The following DNAJC15 variants were observed in gnomAD, a reference collection of about 807,000 sequenced individuals.
The protein encoded by DNAJC15 is dnaJ homolog subfamily C member 15.
In DNAJC15, 27 loss-of-function variants were observed where a neutral mutation model predicts 22.4. That is an observed-to-expected ratio of 1.20 (90% CI 0.89 to 1.66). The LOEUF is 1.66. DNAJC15 is among the 40% of genes most tolerant of loss of function. The probability of loss-of-function intolerance (pLI) is 0.00; values close to 1 mark genes in which losing one functional copy is unlikely to be tolerated. For missense variants in DNAJC15, 208 were observed against 187.1 expected, an observed-to-expected ratio of 1.11 and a Z score of -0.65; for synonymous variants, 79 against 63.2, an observed-to-expected ratio of 1.25 and a Z score of -1.19.
chr13:43,023,793 C>G, intron 1 of DNAJC15, 59 bp downstream of exon 1: 1 of 1,451,720 alleles, frequency 6.9e-7, no homozygotes, highest in African/African-American at 1.4e-5. Flanking sequence ...CTGCTTCAGC[C>G]CCCTCTACCG....
At chr13:43,088,667 C>G (rs1216830701) in intron 5 of DNAJC15, among the ~76,000 whole-genome samples, 1 of 152,138 alleles carries the variant, frequency 6.6e-6, no homozygotes, top group East Asian at 1.9e-4. Flanking sequence ...TGGATTTTCT[C>G]TAATTATTCT....
At position 43,071,499 on chromosome 13, in the gene DNAJC15, G is replaced by A. The variant is rs2040609038; in HGVS notation, c.234+2496G>A. ...TAATCATAATTATATTTTTACCTCA[G>A]GAAAGATGCAAGTACTTTTAAACAA... On this transcript the variant is annotated intron_variant, in intron 3 of 5. Coordinates refer to ENST00000379221, the MANE Select transcript of DNAJC15 (RefSeq NM_013238.3). Among the ~76,000 whole-genome samples, 4 of 152,074 alleles carry A rather than the reference G, an allele frequency of 2.6e-5. No individual in the cohort carries two copies. The South Asian group carries it at 8.3e-4, about 32-fold the overall frequency.
intron 1 of DNAJC15, among the ~76,000 whole-genome samples, chr13:43,034,094 A>T (rs1415871491): frequency 1.3e-5 from 2 of 151,710 alleles, no homozygotes; most frequent in African/African-American, 4.8e-5. Flanking sequence ...ACATACTATA[A>T]ACATGTTTGT....
rs530191885 is a variant in DNAJC15, at chr13:43,057,780, C to T, written c.109-7906C>T. Among the ~76,000 whole-genome samples the T allele has an allele frequency of 9.2e-5, 14 of 152,246 alleles. No homozygotes were observed. The South Asian group carries it at 1.2e-3, about 14-fold the overall frequency. ...AAGGCTGCTGTTCAGATCCTTTTGT[C>T]CCATGGGGTGATCCTTTGATGTGGT... is the stretch of plus-strand genomic sequence containing the variant. On this transcript the variant is annotated intron_variant, in intron 1 of 5. Coordinates refer to ENST00000379221, the MANE Select transcript of DNAJC15 (RefSeq NM_013238.3).
chr13:43,025,561 A>C (rs975849293), intron 1 of DNAJC15, among the ~76,000 whole-genome samples: 1 of 152,208 alleles, frequency 6.6e-6, no homozygotes, highest in Admixed American at 6.5e-5. Context: ...TTTAATAATC[A>C]ATATAATGCT....
At chr13:43,046,430 C>T (rs940321519) in intron 1 of DNAJC15, among the ~76,000 whole-genome samples, 12 of 151,688 alleles carry the variant, frequency 7.9e-5, no homozygotes, top group African/African-American at 1.2e-4. Flanking sequence ...CTTCCTAGGC[C>T]GACTAAGAAT....
At chr13:43,101,205 T>TC (rs1455056028) in intron 5 of DNAJC15, among the ~76,000 whole-genome samples, 6 of 152,220 alleles carry the variant, frequency 3.9e-5, no homozygotes, top group Non-Finnish European at 7.3e-5. Flanking sequence ...TTCTTCAATT[T>TC]TTAATAGAAA....
At chr13:43,059,926 GAT>G (rs2040550490) in intron 1 of DNAJC15, among the ~76,000 whole-genome samples, 1 of 152,162 alleles carries the variant, frequency 6.6e-6, no homozygotes, top group Non-Finnish European at 1.5e-5. Flanking sequence ...GGGTGGGAGA[GAT>G]TACAAAGTAC....
At chr13:43,105,552 C>T (rs74062314) in intron 5 of DNAJC15, among the ~76,000 whole-genome samples, 2,538 of 152,170 alleles carry the variant, frequency 0.017, 78 homozygotes, top group East Asian at 0.1. Context: ...AATAAATTGT[C>T]ATGTCATTTT....
At chr13:43,027,927 G>A (rs915065070) in intron 1 of DNAJC15, among the ~76,000 whole-genome samples, 1 of 152,162 alleles carries the variant, frequency 6.6e-6, no homozygotes, top group Non-Finnish European at 1.5e-5. Flanking sequence ...GAAGTGCTGG[G>A]ATTTCAGGGG....
intron 5 of DNAJC15, among the ~76,000 whole-genome samples, chr13:43,086,447 T>A (rs551643447): frequency 1.3e-5 from 2 of 152,078 alleles, no homozygotes; most frequent in Non-Finnish European, 2.9e-5. Flanking sequence ...AGTTACACTG[T>A]ATTTCAGAAG....
intron 1 of DNAJC15, among the ~76,000 whole-genome samples, chr13:43,053,144 T>G (rs2040513371): frequency 6.6e-6 from 1 of 152,222 alleles, no homozygotes; most frequent in Admixed American, 6.5e-5. Flanking sequence ...CTCAGCACCA[T>G]TTGTTGAATA....
chr13:43,098,413 A>G (rs1343765238), intron 5 of DNAJC15, among the ~76,000 whole-genome samples: 1 of 152,340 alleles, frequency 6.6e-6, no homozygotes, highest in East Asian at 1.9e-4. Context: ...TAGGGATGTC[A>G]TAGAAGGAAT....
chr13:43,093,962 G>A (rs2040727540), intron 5 of DNAJC15, among the ~76,000 whole-genome samples: 1 of 152,080 alleles, frequency 6.6e-6, no homozygotes, highest in Admixed American at 6.6e-5. Flanking sequence ...ATGTTGTTTT[G>A]TTTAAATGTA....
At chr13:43,091,199 C>T (rs968451915) in intron 5 of DNAJC15, among the ~76,000 whole-genome samples, 1 of 152,156 alleles carries the variant, frequency 6.6e-6, no homozygotes, top group Non-Finnish European at 1.5e-5. Flanking sequence ...ATTCTCCTGC[C>T]TCAGCCTCCC....
At chr13:43,084,779 T>C (rs2040679349) in intron 4 of DNAJC15, among the ~76,000 whole-genome samples, 1 of 152,240 alleles carries the variant, frequency 6.6e-6, no homozygotes, top group Admixed American at 6.5e-5. Flanking sequence ...TTATCTACTT[T>C]AATTTTTGTT....
At chr13:43,040,855 TATGCATACAC>T in intron 1 of DNAJC15, among the ~76,000 whole-genome samples, 1 of 152,274 alleles carries the variant, frequency 6.6e-6, no homozygotes, top group South Asian at 2.1e-4. Flanking sequence ...GTGCTTTAGA[TATGCATACAC>T]ATAAACATCT....
intron 3 of DNAJC15, among the ~76,000 whole-genome samples, chr13:43,076,722 T>C (rs1279820708): frequency 6.6e-6 from 1 of 152,202 alleles, no homozygotes; most frequent in South Asian, 2.1e-4. Context: ...CTACTGAAAA[T>C]AGTGTCTTTA....
chr13:43,102,518 G>C lies in DNAJC15; in HGVS notation c.383-4660G>C, dbSNP rs570419166. Among the ~76,000 whole-genome samples the C allele has an allele frequency of 2.0e-5, 3 of 152,294 alleles. No homozygotes were observed. The East Asian group carries it at 5.8e-4, about 29-fold the overall frequency. ...TGGCTGGGCGTGGTGATTCACGCCTGTAATCCCAGCACTTTGGGGGGAGGA... is the reference window on the plus strand; with the variant it reads ...TGGCTGGGCGTGGTGATTCACGCCTCTAATCCCAGCACTTTGGGGGGAGGA... On this transcript the variant is annotated intron_variant, in intron 5 of 5. Transcript: ENST00000379221.
Sources: allele counts gnomAD v4.1 joint callset (sites outside exome capture counted in the v4.1 genomes callset), GRCh38; gene constraint gnomAD v4.1.1; transcripts MANE v1.5; gene names NCBI Gene and HGNC (gene_info 2026-07-23, HGNC 2026-07-21).